Variants in ATP2B1 observed in about 807,000 individuals in gnomAD.
ATP2B1 encodes ATPase plasma membrane Ca2+ transporting 1, also known as plasma membrane calcium-transporting ATPase 1.
In ATP2B1, 14 loss-of-function variants were observed where a neutral mutation model predicts 124.2. That is an observed-to-expected ratio of 0.11 (90% CI 0.07 to 0.18). The LOEUF is 0.18. Among genes scored for constraint, ATP2B1 ranks in the 10% least tolerant of loss-of-function variants. The pLI is 1.00. For missense variants in ATP2B1, 763 were observed against 1,466.1 expected, an observed-to-expected ratio of 0.52 and a Z score of 7.83; for synonymous variants, 449 against 492.4, an observed-to-expected ratio of 0.91 and a Z score of 1.17.
chr12:89,591,380 CAGCT>C, intron 20 of ATP2B1, 85 bp from the exon 21 acceptor site: 1 of 1,194,698 alleles, frequency 8.4e-7, no homozygotes, highest in South Asian at 1.5e-5. Context: ...AATCCACAAA[CAGCT>C]AGGTATGAGT....
At chr12:89,678,275 C>T (rs1335952458) in intron 1 of ATP2B1, among the ~76,000 whole-genome samples, 3 of 152,048 alleles carry the variant, frequency 2.0e-5, no homozygotes, top group Admixed American at 6.6e-5. Context: ...TCGTGGAATA[C>T]AGAAGGATTA....
intron 1 of ATP2B1, among the ~76,000 whole-genome samples, chr12:89,668,239 G>A (rs1887542737): frequency 6.6e-6 from 1 of 152,146 alleles, no homozygotes; most frequent in African/African-American, 2.4e-5. Context: ...AGCTTCCTGA[G>A]GGCAGAGCAG....
At chr12:89,658,584 A>T (rs1470914601) in intron 1 of ATP2B1, among the ~76,000 whole-genome samples, 5 of 149,636 alleles carry the variant, frequency 3.3e-5, no homozygotes, top group Non-Finnish European at 7.4e-5. Flanking sequence ...GAATTCAAAC[A>T]GAGAATTCAA....
chr12:89,609,221 C>T (rs1021153409), intron 15 of ATP2B1, among the ~76,000 whole-genome samples: 1 of 152,132 alleles, frequency 6.6e-6, no homozygotes, highest in African/African-American at 2.4e-5. Context: ...AAGAGCTTAG[C>T]ACCCCATAAA....
intron 1 of ATP2B1, among the ~76,000 whole-genome samples, chr12:89,693,593 A>C (rs976243706): frequency 4.4e-5 from 3 of 67,566 alleles, no homozygotes; most frequent in African/African-American, 1.4e-4. Context: ...GTGAATTCTT[A>C]TTTTTTACTT....
chr12:89,674,772 T>A (rs1387701069), intron 1 of ATP2B1, among the ~76,000 whole-genome samples: 1 of 152,172 alleles, frequency 6.6e-6, no homozygotes, highest in Non-Finnish European at 1.5e-5. Flanking sequence ...CCAGTCAGTG[T>A]GGTTTGCTCC....
chr12:89,650,864 A>T (rs1885153847), intron 2 of ATP2B1, among the ~76,000 whole-genome samples: 1 of 152,240 alleles, frequency 6.6e-6, no homozygotes, highest in Non-Finnish European at 1.5e-5. Context: ...AATGTGATTC[A>T]GAATATGAAT....
chr12:89,663,730 TCTAATGGACACATTTAGCC>T (rs1165868607), intron 1 of ATP2B1, among the ~76,000 whole-genome samples: 1 of 152,220 alleles, frequency 6.6e-6, no homozygotes, highest in African/African-American at 2.4e-5. Flanking sequence ...TGTTCTTAAA[TCTAATGGACACATTTAGCC>T]CTAATCTAAC....
chr12:89,613,981 T>G (rs898681573), intron 12 of ATP2B1, among the ~76,000 whole-genome samples: 9 of 152,314 alleles, frequency 5.9e-5, no homozygotes, highest in Non-Finnish European at 1.2e-4. Flanking sequence ...TCGTCTCAAT[T>G]TAGTATATAA....
At chr12:89,694,266 CTCTCA>C (rs1488182432) in intron 1 of ATP2B1, among the ~76,000 whole-genome samples, 1 of 152,154 alleles carries the variant, frequency 6.6e-6, no homozygotes, top group East Asian at 1.9e-4. Context: ...TTCTCTCTCC[CTCTCA>C]TATCCCACTT....
chr12:89,591,337 T>A, intron 20 of ATP2B1, 42 bp from the exon 21 acceptor site: 1 of 1,519,546 alleles, frequency 6.6e-7, no homozygotes, highest in Non-Finnish European at 8.9e-7. Context: ...AGTACACTAT[T>A]AACAACTTAA....
At chr12:89,708,055 T>C (rs142288973) in intron 1 of ATP2B1, among the ~76,000 whole-genome samples, 1,660 of 152,212 alleles carry the variant, frequency 0.011, 36 homozygotes, top group African/African-American at 0.037. Context: ...GGAATCACCG[T>C]CCTGACACGC....
intron 15 of ATP2B1, among the ~76,000 whole-genome samples, chr12:89,605,670 G>C (rs1421182555): frequency 6.6e-6 from 1 of 152,120 alleles, no homozygotes; most frequent in Non-Finnish European, 1.5e-5. Context: ...AGCAGCTGGA[G>C]AAGATGACTC....
intron 1 of ATP2B1, among the ~76,000 whole-genome samples, chr12:89,669,920 G>A (rs577731462): frequency 1.3e-5 from 2 of 152,224 alleles, no homozygotes; most frequent in Non-Finnish European, 2.9e-5. Context: ...CAAGAGGGAG[G>A]TATTACGTAT....
At chr12:89,644,797 C>G (rs1884188103) in intron 2 of ATP2B1, among the ~76,000 whole-genome samples, 1 of 152,126 alleles carries the variant, frequency 6.6e-6, no homozygotes, top group Non-Finnish European at 1.5e-5. Context: ...ACCTGTAACA[C>G]CTGATAATTA....
chr12:89,653,295 T>TC (rs1467086674), intron 2 of ATP2B1, among the ~76,000 whole-genome samples: 3 of 139,302 alleles, frequency 2.2e-5, no homozygotes, highest in Non-Finnish European at 3.1e-5. Flanking sequence ...TTTTTTTTTT[T>TC]TTTTTTTTTT....
In ATP2B1 at chr12:89,630,601, C is replaced by G; in HGVS notation, c.832G>C (p.Val278Leu). The G allele has an allele frequency of 6.2e-7, 1 of 1,601,010 alleles. No individual in the cohort carries two copies. The highest frequency in any genetic ancestry group is 8.5e-7 in the Non-Finnish European group (1 of 1,173,132). Residue 278 changes from valine to leucine, a missense_variant, in exon 6 of 21, where the codon GTA becomes CTA. Transcript: ENST00000428670. The part of the protein sequence containing the change: ...EGSGRMVVTA[V>L]GVNSQTGIIF... ...ATTCCAGTTTGAGAATTTACACCTA[C>G]AGCTGTAACTACCATTCTTCCAGAG... is the stretch of plus-strand genomic sequence containing the variant.
At chr12:89,653,321 G>A (rs1197122823) in intron 2 of ATP2B1, among the ~76,000 whole-genome samples, 28 of 115,554 alleles carry the variant, frequency 2.4e-4, no homozygotes, top group African/African-American at 7.8e-4. Context: ...ACGGAGTCTC[G>A]CTCTGTCGCC....
chr12:89,625,828 A>C (rs888928071), intron 8 of ATP2B1, among the ~76,000 whole-genome samples: 49 of 152,250 alleles, frequency 3.2e-4, no homozygotes, highest in Admixed American at 5.2e-4. Flanking sequence ...TTTTTCCATC[A>C]TACTCCTAGA....
Sources: allele counts gnomAD v4.1 joint callset (sites outside exome capture counted in the v4.1 genomes callset), GRCh38; gene constraint gnomAD v4.1.1; transcripts MANE v1.5; gene names NCBI Gene and HGNC (gene_info 2026-07-23, HGNC 2026-07-21).